NALF1: variants seen among roughly 807,000 people sequenced by gnomAD.
The protein encoded by NALF1 is NALCN channel auxiliary factor 1.
Under a neutral mutation model 48.4 loss-of-function variants are expected in NALF1, and 3 were observed. The observed-to-expected ratio is 0.06, with a 90% CI of 0.03 to 0.16. The LOEUF is 0.16. NALF1 is among the 10% of genes least tolerant of loss of function. The pLI is 1.00. For missense variants in NALF1, 526 were observed against 571.5 expected (o/e 0.92, Z 0.81); for synonymous variants, 262 against 245.7 (o/e 1.07, Z -0.62).
At chr13:107,458,621 G>A (rs769823963) in intron 1 of NALF1, among the ~76,000 whole-genome samples, 2 of 152,112 alleles carry the variant, frequency 1.3e-5, no homozygotes, top group Non-Finnish European at 2.9e-5. Flanking sequence ...GACGCACAAC[G>A]TTTAACAAAC....
chr13:107,646,136 G>A (rs1029179810), intron 1 of NALF1, among the ~76,000 whole-genome samples: 1 of 151,944 alleles, frequency 6.6e-6, no homozygotes, highest in African/African-American at 2.4e-5. Flanking sequence ...TTTTAAAATT[G>A]CATCTAACGT....
At chr13:107,861,835 T>C (rs909835674) in intron 1 of NALF1, among the ~76,000 whole-genome samples, 2 of 136,010 alleles carry the variant, frequency 1.5e-5, no homozygotes, top group African/African-American at 5.7e-5. Flanking sequence ...AAGAAATGCA[T>C]TTTTTTTTCT....
At chr13:107,825,207 C>A (rs1341941118) in intron 1 of NALF1, among the ~76,000 whole-genome samples, 3 of 152,150 alleles carry the variant, frequency 2.0e-5, no homozygotes, top group Admixed American at 1.3e-4. Flanking sequence ...GATAGGTGAT[C>A]TAAAATCTAC....
chr13:107,392,416 A>G (rs992266272), intron 1 of NALF1, among the ~76,000 whole-genome samples: 3 of 152,198 alleles, frequency 2.0e-5, no homozygotes, highest in Admixed American at 2.0e-4. Context: ...AGTTCACAGG[A>G]TCTGCTAAAC....
chr13:107,207,708 G>T (rs1422615951), intron 2 of NALF1, among the ~76,000 whole-genome samples: 1 of 152,182 alleles, frequency 6.6e-6, no homozygotes, highest in Non-Finnish European at 1.5e-5. Context: ...GAGTGCAGTG[G>T]CAGGATCACA....
intron 1 of NALF1, among the ~76,000 whole-genome samples, chr13:107,484,197 C>A (rs1320244624): frequency 6.6e-6 from 1 of 151,946 alleles, no homozygotes; most frequent in Non-Finnish European, 1.5e-5. Context: ...AAAAAATATG[C>A]CCAATATTTC....
intron 1 of NALF1, among the ~76,000 whole-genome samples, chr13:107,635,113 T>C (rs1193161242): frequency 1.3e-5 from 2 of 152,154 alleles, no homozygotes; most frequent in African/African-American, 4.8e-5. Flanking sequence ...GTTCCCTCTA[T>C]AAACTGGTGG....
intron 1 of NALF1, among the ~76,000 whole-genome samples, chr13:107,523,918 T>C (rs1249334004): frequency 6.6e-6 from 1 of 152,140 alleles, no homozygotes; most frequent in Non-Finnish European, 1.5e-5. Context: ...TAAGGATGCA[T>C]TTTATATCAA....
chr13:107,185,461 G>A (rs1194682231), intron 2 of NALF1, among the ~76,000 whole-genome samples: 1 of 127,518 alleles, frequency 7.8e-6, no homozygotes, highest in Non-Finnish European at 1.5e-5. Flanking sequence ...ACTATTCAGA[G>A]TGCTAAGAGA....
chr13:107,426,271 G>C (rs1884279511), intron 1 of NALF1, among the ~76,000 whole-genome samples: 1 of 152,170 alleles, frequency 6.6e-6, no homozygotes, highest in Non-Finnish European at 1.5e-5. Flanking sequence ...GTTTTTGTTA[G>C]GTGAGGTTGT....
At chr13:107,714,245 T>C (rs1350256565) in intron 1 of NALF1, among the ~76,000 whole-genome samples, 2 of 152,244 alleles carry the variant, frequency 1.3e-5, no homozygotes, top group African/African-American at 2.4e-5. Flanking sequence ...AGTGCATTTG[T>C]ATAATGCTTA....
At chr13:107,783,175 C>A (rs1174129498) in intron 1 of NALF1, among the ~76,000 whole-genome samples, 1 of 132,234 alleles carries the variant, frequency 7.6e-6, no homozygotes, top group Non-Finnish European at 1.6e-5. Context: ...CCAGCCGCCC[C>A]GTCCGGGAGG....
intron 1 of NALF1, among the ~76,000 whole-genome samples, chr13:107,533,371 G>A (rs1876701437): frequency 6.6e-6 from 1 of 152,046 alleles, no homozygotes; most frequent in South Asian, 2.1e-4. Context: ...AAGGTGATTA[G>A]GTCATGAGGC....
chr13:107,603,159 G>A (rs890241230), intron 1 of NALF1, among the ~76,000 whole-genome samples: 3 of 152,076 alleles, frequency 2.0e-5, no homozygotes, highest in East Asian at 1.9e-4. Flanking sequence ...GTACTGATAT[G>A]CAATTTAATT....
chr13:107,595,977 CA>C (rs111974629), intron 1 of NALF1, among the ~76,000 whole-genome samples: 1 of 151,436 alleles, frequency 6.6e-6, no homozygotes, highest in Non-Finnish European at 1.5e-5. Context: ...CATACCAAAA[CA>C]AAAAAAGAGT....
chr13:107,527,593 T>C (rs1362343346), intron 1 of NALF1, among the ~76,000 whole-genome samples: 3 of 152,124 alleles, frequency 2.0e-5, no homozygotes, highest in African/African-American at 7.2e-5. Flanking sequence ...GGTTTGGCTG[T>C]GCCCCATCCA....
chr13:107,340,564 A>G (rs1011235681), intron 1 of NALF1, among the ~76,000 whole-genome samples: 2 of 150,560 alleles, frequency 1.3e-5, no homozygotes, highest in African/African-American at 4.9e-5. Context: ...AAAACGTGAA[A>G]GGAAGAAGGG....
At chr13:107,679,832 T>A (rs1401557860) in intron 1 of NALF1, among the ~76,000 whole-genome samples, 1 of 152,228 alleles carries the variant, frequency 6.6e-6, no homozygotes. Flanking sequence ...CTCCATTTAG[T>A]TACTGAAGAA....
chr13:107,429,322 G>GAAAAAAAAAAAAAAAAAAAA, intron 1 of NALF1, among the ~76,000 whole-genome samples: 1 of 135,764 alleles, frequency 7.4e-6, no homozygotes, highest in Non-Finnish European at 1.6e-5. Context: ...AACTCAGTCT[G>GAAAAAAAAAAAAAAAAAAAA]AAAAAAAAAA....
Sources: gnomAD v4.1 joint callset for allele counts (sites outside exome capture counted in the v4.1 genomes callset) on GRCh38, gnomAD v4.1.1 for gene constraint, MANE v1.5 for transcripts, NCBI Gene and HGNC (gene_info 2026-07-23, HGNC 2026-07-21) for gene names.